DOCK7: variants seen among roughly 807,000 people sequenced by gnomAD.
DOCK7 encodes the protein dedicator of cytokinesis 7, also known as dedicator of cytokinesis protein 7.
A neutral mutation model predicts 271.0 loss-of-function variants in DOCK7; 138 were observed. The ratio of observed to expected loss-of-function variants is 0.51; its 90% confidence interval spans 0.44 to 0.59. The LOEUF (loss-of-function observed/expected upper bound fraction) is 0.59. DOCK7 is among the 20% of genes least tolerant of loss of function. DOCK7 has a pLI of 0.00. For synonymous variants in DOCK7, 823 were observed against 876.1 expected (o/e 0.94, Z 1.07); for missense variants, 2,066 against 2,592.4 (o/e 0.80, Z 4.41).
chr1:62,634,756 T>C lies in DOCK7; in HGVS notation c.1035+17A>G. 6.3e-7 allele frequency: 1 copy of C among 1,599,248 alleles called. No homozygotes were observed. Among genetic ancestry groups the C allele is most frequent in the Non-Finnish European group, 8.5e-7 (1 of 1,169,982 alleles). ...AGACACTACAAAATAAACAAATATA[T>C]TTAACATTATTCTCACCTTTATTAC... On this transcript the variant is annotated intron_variant, in intron 9 of 49. Transcript: ENST00000635253.
At chr1:62,605,073 A>G in intron 14 of DOCK7, 1 of 391,936 alleles carries the variant, frequency 2.6e-6, no homozygotes, top group Non-Finnish European at 4.6e-6. Flanking sequence ...GATGGTCACA[A>G]TCTAGATTAT....
chr1:62,601,681 A>G, intron 14 of DOCK7: 1 of 959,402 alleles, frequency 1.0e-6, no homozygotes, highest in Admixed American at 1.9e-5. Context: ...ATTTGCCACA[A>G]CTTCATAAAA....
chr1:62,470,069 C>G (rs1256460598), intron 48 of DOCK7, among the ~76,000 whole-genome samples: 1 of 152,062 alleles, frequency 6.6e-6, no homozygotes, highest in East Asian at 1.9e-4. Context: ...TACCATTTGA[C>G]AGTAAAATGG....
intron 37 of DOCK7, among the ~76,000 whole-genome samples, chr1:62,504,120 C>T (rs1646873233): frequency 6.6e-6 from 1 of 151,158 alleles, no homozygotes; most frequent in Non-Finnish European, 1.5e-5. Flanking sequence ...GACAACATTA[C>T]TAAATATCAG....
intron 1 of DOCK7, among the ~76,000 whole-genome samples, chr1:62,664,244 T>C (rs892689618): frequency 2.3e-4 from 35 of 152,162 alleles, no homozygotes; most frequent in African/African-American, 7.7e-4. Flanking sequence ...CCAAATCTCA[T>C]CTTGAATTAT....
chr1:62,651,464 GA>G (rs1226772701), intron 4 of DOCK7, among the ~76,000 whole-genome samples: 99 of 96,764 alleles, frequency 1.0e-3, no homozygotes, highest in Non-Finnish European at 1.5e-3. Flanking sequence ...AAAAAAAAAA[GA>G]AAAAAAAGAA....
At chr1:62,573,629 T>C (rs1258818336) in intron 18 of DOCK7, among the ~76,000 whole-genome samples, 1 of 152,126 alleles carries the variant, frequency 6.6e-6, no homozygotes, top group African/African-American at 2.4e-5. Context: ...TAATATCATA[T>C]TTTGGCATAC....
At chr1:62,504,854 G>C in intron 36 of DOCK7, 72 bp from the exon 37 acceptor site, 1 of 1,525,128 alleles carries the variant, frequency 6.6e-7, no homozygotes, top group Non-Finnish European at 8.9e-7. Flanking sequence ...AATATAACCT[G>C]AACTGGAGAC....
chr1:62,561,730 C>T, intron 18 of DOCK7, 27 bp from the exon 19 acceptor site: 1 of 1,277,668 alleles, frequency 7.8e-7, no homozygotes, highest in South Asian at 1.5e-5. Flanking sequence ...ATAATGATCA[C>T]AGATGCTTAA....
At chr1:62,511,901 A>G (rs1255186101) in intron 33 of DOCK7, among the ~76,000 whole-genome samples, 6 of 152,132 alleles carry the variant, frequency 3.9e-5, no homozygotes, top group Non-Finnish European at 8.8e-5. Flanking sequence ...AACAATGTCT[A>G]TTAGTAGACC....
chr1:62,656,187 A>G (rs1276705733), intron 2 of DOCK7, among the ~76,000 whole-genome samples: 1 of 152,236 alleles, frequency 6.6e-6, no homozygotes, highest in African/African-American at 2.4e-5. Flanking sequence ...TACAAAAATT[A>G]AACTGAGATG....
intron 46 of DOCK7, 91 bp downstream of exon 46, chr1:62,475,616 A>T: frequency 8.1e-7 from 1 of 1,241,116 alleles, no homozygotes; most frequent in Non-Finnish European, 1.2e-6. Flanking sequence ...GGTATAAGGG[A>T]TGGTACATAT....
At chr1:62,518,397 C>T (rs1644738708) in intron 31 of DOCK7, among the ~76,000 whole-genome samples, 1 of 152,060 alleles carries the variant, frequency 6.6e-6, no homozygotes, top group African/African-American at 2.4e-5. Context: ...TGGTGAAACC[C>T]TGTGTCTACT....
chr1:62,494,669 G>C lies in DOCK7; in HGVS notation c.5025-202C>G, dbSNP rs796302418. 1.2e-4 allele frequency: 44 copies of C among 371,684 alleles called. 1 individual carries two copies. The highest frequency in any genetic ancestry group is 9.1e-4 in the African/African-American group (43 of 47,350). 23.0% of individuals were successfully genotyped at this position (371,684 alleles called of 1,614,324 possible). A position where few individuals can be genotyped will look rare whatever the true frequency, so the allele number is the denominator to read the frequency against. ...GAATGGATAATATCAGTTGGTGGGGGGGGCAGGAGGGGCAAAAAAGAAATA... is the reference window on the plus strand; with the variant it reads ...GAATGGATAATATCAGTTGGTGGGGCGGGCAGGAGGGGCAAAAAAGAAATA... On this transcript the variant is annotated intron_variant, in intron 39 of 49. Transcript: ENST00000635253.
At chr1:62,480,826 G>A (rs1646099925) in intron 43 of DOCK7, among the ~76,000 whole-genome samples, 1 of 152,028 alleles carries the variant, frequency 6.6e-6, no homozygotes, top group Non-Finnish European at 1.5e-5. Context: ...TGGCTAACAC[G>A]GTGAAACCCT....
Position 62,647,723 on chromosome 1 carries a change from A to C in DOCK7, c.786T>G (p.Gly262=). Residue 262 remains glycine (G), a synonymous_variant, in exon 7 of 50, where the codon GGT becomes GGG. Coordinates refer to ENST00000635253, the MANE Select transcript of DOCK7 (RefSeq NM_001367561.1). ...SVPDIPKEHF[G]QRLLVKCLSL... Reference sequence around the variant, plus strand: ...ATAAGCATTTTACAAGAAGTCTTTGACCAAAATGTTCTTTGGGTATATCAG... The same window carrying C: ...ATAAGCATTTTACAAGAAGTCTTTGCCCAAAATGTTCTTTGGGTATATCAG... 1.2e-6 allele frequency: 2 copies of C among 1,608,952 alleles called. No homozygotes were observed.
At chr1:62,652,043 T>G (rs1657449181) in intron 4 of DOCK7, among the ~76,000 whole-genome samples, 1 of 152,188 alleles carries the variant, frequency 6.6e-6, no homozygotes, top group South Asian at 2.1e-4. Context: ...CTGGGCGCTA[T>G]TCTATTAGCC....
intron 48 of DOCK7, among the ~76,000 whole-genome samples, chr1:62,472,332 T>A (rs928534159): frequency 6.6e-6 from 1 of 152,178 alleles, no homozygotes; most frequent in Non-Finnish European, 1.5e-5. Flanking sequence ...CTTGAACTCC[T>A]GAGCTCTGGT....
rs139459239 is a variant in DOCK7, at chr1:62,461,348, A to C, written c.6213-3643T>G. Among the ~76,000 whole-genome samples the C allele has an allele frequency of 4.0e-4, 58 of 144,880 alleles. No homozygotes were observed. The East Asian group carries it at 0.01, about 26-fold the overall frequency. ...AATAAGATAAATTATTAGAATTAATAAGTAAGTCTGGTAAAATTCTCATGT... is the reference window on the plus strand; with the variant it reads ...AATAAGATAAATTATTAGAATTAATCAGTAAGTCTGGTAAAATTCTCATGT... On this transcript the variant is annotated intron_variant, in intron 48 of 49. Coordinates refer to ENST00000635253, the MANE Select transcript of DOCK7 (RefSeq NM_001367561.1).
Sources: allele counts gnomAD v4.1 joint callset (sites outside exome capture counted in the v4.1 genomes callset), GRCh38; gene constraint gnomAD v4.1.1; transcripts MANE v1.5; gene names NCBI Gene and HGNC (gene_info 2026-07-23, HGNC 2026-07-21).